The following RERE variants were observed in gnomAD, a reference collection of about 807,000 sequenced individuals.
RERE encodes the protein arginine-glutamic acid dipeptide repeats.
Under a neutral mutation model 146.1 loss-of-function variants are expected in RERE, and 40 were observed. The observed-to-expected ratio is 0.27, with a 90% CI of 0.21 to 0.36. RERE has a LOEUF of 0.36. Ranked by LOEUF, RERE falls within the 10% of genes least tolerant of loss-of-function variation. The probability of loss-of-function intolerance (pLI) is 1.00; values close to 1 mark genes in which losing one functional copy is unlikely to be tolerated. For missense variants in RERE, 1,933 were observed against 2,138.7 expected (o/e 0.90, Z 1.90); for synonymous variants, 1,003 against 866.0 (o/e 1.16, Z -2.78).
chr1:8,382,079 C>G (rs1263364119), intron 12 of RERE, among the ~76,000 whole-genome samples: 1 of 152,216 alleles, frequency 6.6e-6, no homozygotes, highest in East Asian at 1.9e-4. Context: ...AACACAGGAC[C>G]AAAGCTCAAA....
At chr1:8,532,569 C>A (rs1017012940) in intron 7 of RERE, among the ~76,000 whole-genome samples, 1 of 151,700 alleles carries the variant, frequency 6.6e-6, no homozygotes, top group Non-Finnish European at 1.5e-5. Context: ...TACAGGTGTG[C>A]ACCACCATGC....
In RERE at chr1:8,353,062, G is replaced by A. The variant is rs186171032; in HGVS notation, c.*2025C>T. 6.6e-6 allele frequency: 1 copy of A among 152,630 alleles called. No homozygotes were observed. Among genetic ancestry groups the A allele is most frequent in the East Asian group, 1.9e-4 (1 of 5,188 alleles). 9.5% of individuals were successfully genotyped at this position (152,630 alleles called of 1,614,324 possible). ...GCCCAGCAGGAAGAGGCCTCGCTCA[G>A]AGCCACGGGAACAAGCCTGCCATGA... On this transcript the variant is annotated 3_prime_UTR_variant, in exon 23 of 23. Coordinates refer to ENST00000400908, the MANE Select transcript of RERE (RefSeq NM_001042681.2).
chr1:8,617,044 G>A (rs1214676566), intron 3 of RERE, among the ~76,000 whole-genome samples: 1 of 151,998 alleles, frequency 6.6e-6, no homozygotes, highest in African/African-American at 2.4e-5. Context: ...ACCAAACTCA[G>A]GGCTAAAGAA....
chr1:8,732,740 C>G (rs1331591298), intron 1 of RERE, among the ~76,000 whole-genome samples: 7 of 148,428 alleles, frequency 4.7e-5, no homozygotes, highest in South Asian at 2.1e-4. Flanking sequence ...AGGGGGAACT[C>G]TGTGTGTGTG....
At chr1:8,816,626 G>C (rs1214799940) in intron 1 of RERE, among the ~76,000 whole-genome samples, 1 of 152,124 alleles carries the variant, frequency 6.6e-6, no homozygotes, top group Non-Finnish European at 1.5e-5. Context: ...CTCCTTCAGA[G>C]AGCAGAACTA....
At chr1:8,450,902 T>C (rs1021099807) in intron 11 of RERE, among the ~76,000 whole-genome samples, 3 of 152,198 alleles carry the variant, frequency 2.0e-5, no homozygotes, top group Non-Finnish European at 2.9e-5. Context: ...GCCCTTCTAA[T>C]AGTCTGTGTC....
intron 6 of RERE, among the ~76,000 whole-genome samples, chr1:8,545,428 G>A (rs1645846817): frequency 6.6e-6 from 1 of 152,136 alleles, no homozygotes; most frequent in Non-Finnish European, 1.5e-5. Context: ...AGACAAGAGA[G>A]CCCCTCTTAA....
intron 3 of RERE, among the ~76,000 whole-genome samples, chr1:8,619,137 A>G (rs529706186): frequency 6.6e-6 from 1 of 152,344 alleles, no homozygotes; most frequent in South Asian, 2.1e-4. Flanking sequence ...CAAGGTAACT[A>G]GTAGTATGCA....
intron 2 of RERE, among the ~76,000 whole-genome samples, chr1:8,636,822 G>A (rs1385763548): frequency 6.6e-6 from 1 of 152,238 alleles, no homozygotes; most frequent in African/African-American, 2.4e-5. Context: ...GCAGGAGATA[G>A]AGCATGGGAG....
intron 12 of RERE, among the ~76,000 whole-genome samples, chr1:8,407,096 C>T (rs17385239): frequency 2.0e-5 from 3 of 152,288 alleles, no homozygotes; most frequent in African/African-American, 7.2e-5. Context: ...GGCAGGCATT[C>T]GCATTAGGAA....
intron 6 of RERE, among the ~76,000 whole-genome samples, chr1:8,552,882 C>CCA (rs145235578): frequency 3.8e-4 from 58 of 152,024 alleles, no homozygotes; most frequent in Non-Finnish European, 7.5e-4. Flanking sequence ...GCCAGCACGT[C>CCA]CACACACACA....
chr1:8,677,459 A>AG (rs1272517164), intron 1 of RERE, among the ~76,000 whole-genome samples: 5 of 151,874 alleles, frequency 3.3e-5, no homozygotes, highest in African/African-American at 1.2e-4. Context: ...GAAAAGAAAA[A>AG]AAAAAAAAAA....
At chr1:8,623,847 G>A (rs766981241) in intron 3 of RERE, among the ~76,000 whole-genome samples, 6 of 152,038 alleles carry the variant, frequency 3.9e-5, no homozygotes, top group African/African-American at 9.7e-5. Context: ...CCGCTACCCC[G>A]GGAAACCCCC....
intron 11 of RERE, among the ~76,000 whole-genome samples, chr1:8,450,130 C>G (rs1445667186): frequency 6.6e-6 from 1 of 152,148 alleles, no homozygotes; most frequent in Non-Finnish European, 1.5e-5. Flanking sequence ...GCCTCGTACA[C>G]AGTCAGTACT....
At chr1:8,778,744 GA>G (rs1641112870) in intron 1 of RERE, among the ~76,000 whole-genome samples, 1 of 152,004 alleles carries the variant, frequency 6.6e-6, no homozygotes. Flanking sequence ...GCTGAGGAGG[GA>G]GGATCACTTG....
intron 3 of RERE, among the ~76,000 whole-genome samples, chr1:8,615,249 A>C (rs1646839064): frequency 6.6e-6 from 1 of 152,254 alleles, no homozygotes. Flanking sequence ...CCCAAAACAG[A>C]GGGAAAAAGA....
At chr1:8,690,490 A>C (rs567830121) in intron 1 of RERE, among the ~76,000 whole-genome samples, 4 of 152,376 alleles carry the variant, frequency 2.6e-5, no homozygotes, top group African/African-American at 9.6e-5. Flanking sequence ...GATTGTCTCT[A>C]GGCAGAAATT....
intron 4 of RERE, chr1:8,590,680 A>G (rs1485211746): frequency 6.6e-6 from 1 of 152,248 alleles, no homozygotes; most frequent in African/African-American, 2.4e-5. Flanking sequence ...TGAAATTTTA[A>G]AAATCTTAAT....
intron 10 of RERE, among the ~76,000 whole-genome samples, chr1:8,482,790 A>T (rs558330772): frequency 1.4e-4 from 22 of 152,212 alleles, no homozygotes; most frequent in African/African-American, 5.3e-4. Flanking sequence ...CTTAGCCCAA[A>T]GGAAGCCACA....
Sources: gnomAD v4.1 joint callset for allele counts (sites outside exome capture counted in the v4.1 genomes callset) on GRCh38, gnomAD v4.1.1 for gene constraint, MANE v1.5 for transcripts, NCBI Gene and HGNC (gene_info 2026-07-23, HGNC 2026-07-21) for gene names.